TLCD4: variants seen among roughly 807,000 people sequenced by gnomAD.
The protein encoded by TLCD4 is TLC domain-containing protein 4.
TLCD4 carries 7 observed loss-of-function variants against 24.2 expected under a neutral mutation model. That is an observed-to-expected ratio of 0.29 (90% CI 0.16 to 0.54). TLCD4 has a LOEUF of 0.54. Among genes scored for constraint, TLCD4 ranks in the 20% least tolerant of loss-of-function variants. The pLI, the probability that TLCD4 is intolerant of heterozygous loss-of-function variation, is 0.95. For missense variants in TLCD4, 259 were observed against 313.9 expected (o/e 0.82, Z 1.32); for synonymous variants, 103 against 106.4 (o/e 0.97, Z 0.20).
the TLCD4 span, among the ~76,000 whole-genome samples, chr1:95,106,392 ATTG>A: frequency 4.6e-5 from 7 of 152,200 alleles, no homozygotes; most frequent in Admixed American, 3.9e-4. Context: ...CTAAAACTAG[ATTG>A]TTTTCTTTTT....
the TLCD4 span, among the ~76,000 whole-genome samples, chr1:95,102,392 C>T: frequency 6.6e-6 from 1 of 152,022 alleles, no homozygotes; most frequent in Non-Finnish European, 1.5e-5. Context: ...ACAGAATTTG[C>T]TGTGTACTTG....
At chr1:95,179,741 T>C (rs185389199) in intron 6 of TLCD4, among the ~76,000 whole-genome samples, 1 of 152,336 alleles carries the variant, frequency 6.6e-6, no homozygotes, top group Admixed American at 6.5e-5. Flanking sequence ...AGCTCTTCAG[T>C]GTGACACAGA....
rs1015625571 is a variant in TLCD4 at position 95,193,616 on chromosome 1, A to T, written c.*1748A>T. 1 of 152,116 alleles carries T rather than the reference A, an allele frequency of 6.6e-6. No individual in the cohort carries two copies. Among genetic ancestry groups the T allele is most frequent in the African/African-American group, 2.4e-5 (1 of 41,452 alleles). The allele number at this position is 152,116 out of a possible 1,614,324, so 9.4% of individuals were successfully genotyped here. A position where few individuals can be genotyped will look rare whatever the true frequency, so the allele number is the denominator to read the frequency against. The stretch of plus-strand genomic sequence containing the variant: ...GATTTGCTTTTATTATTCAATGCAG[A>T]TAGAGCCTGATAAGTTTTAGAACAT... On this transcript the variant is annotated 3_prime_UTR_variant, in exon 7 of 7. Coordinates refer to ENST00000370203, the MANE Select transcript of TLCD4 (RefSeq NM_152487.3).
the TLCD4 span, among the ~76,000 whole-genome samples, chr1:95,096,205 C>T: frequency 6.6e-6 from 1 of 152,186 alleles, no homozygotes; most frequent in Non-Finnish European, 1.5e-5. Flanking sequence ...GAAAGAGTAC[C>T]TTGACAACAA....
At chr1:95,175,497 G>A (rs566787011) in intron 6 of TLCD4, among the ~76,000 whole-genome samples, 7 of 152,166 alleles carry the variant, frequency 4.6e-5, no homozygotes, top group Non-Finnish European at 1.0e-4. Context: ...AAATGGACAT[G>A]GGCATACAAA....
chr1:95,173,778 T>C (rs1442612346), intron 5 of TLCD4, 38 bp from the exon 6 acceptor site: 2 of 1,613,424 alleles, frequency 1.2e-6, no homozygotes, highest in Non-Finnish European at 1.7e-6. Context: ...TTGTTAAGAA[T>C]GTTATCCTTG....
intron 1 of TLCD4, among the ~76,000 whole-genome samples, chr1:95,125,192 A>C (rs1676681234): frequency 6.6e-6 from 1 of 152,176 alleles, no homozygotes; most frequent in Non-Finnish European, 1.5e-5. Context: ...CTGTGGGCCA[A>C]GCTTAGGTTT....
At chr1:95,146,571 T>C (rs976402951) in intron 2 of TLCD4, among the ~76,000 whole-genome samples, 1 of 152,120 alleles carries the variant, frequency 6.6e-6, no homozygotes, top group South Asian at 2.1e-4. Flanking sequence ...TATTTTATCT[T>C]GGGTAATATC....
intron 5 of TLCD4, among the ~76,000 whole-genome samples, chr1:95,152,888 T>C (rs1677531138): frequency 6.6e-6 from 1 of 152,118 alleles, no homozygotes; most frequent in South Asian, 2.1e-4. Context: ...CCATCCTTTG[T>C]ACACCCTTTC....
chr1:95,176,033 C>T lies in TLCD4; in HGVS notation c.473+2144C>T, dbSNP rs559569841. Among the ~76,000 whole-genome samples the T allele has an allele frequency of 3.3e-5, 5 of 152,148 alleles. No homozygotes were observed. The East Asian group carries it at 5.8e-4, about 18-fold the overall frequency. On this transcript the variant is annotated intron_variant, in intron 6 of 6. Transcript: ENST00000370203. ...TCAAGCGATCCTCCCACTTTGGCCTCCCAAAATTCTGGGATTACAGGTTTG... is the reference window on the plus strand; with the variant it reads ...TCAAGCGATCCTCCCACTTTGGCCTTCCAAAATTCTGGGATTACAGGTTTG...
At chr1:95,177,939 T>TG in intron 6 of TLCD4, among the ~76,000 whole-genome samples, 1 of 144,124 alleles carries the variant, frequency 6.9e-6, no homozygotes, top group East Asian at 2.0e-4. Flanking sequence ...TCTTTTCTTT[T>TG]TTTTTTTTTT....
intron 2 of TLCD4, among the ~76,000 whole-genome samples, chr1:95,147,013 G>A (rs964714518): frequency 1.3e-5 from 2 of 150,638 alleles, no homozygotes; most frequent in Non-Finnish European, 3.0e-5. Context: ...TTTTTGAATA[G>A]CAATAGAGAG....
the TLCD4 span, among the ~76,000 whole-genome samples, chr1:95,096,851 T>C: frequency 1.3e-5 from 2 of 152,188 alleles, no homozygotes; most frequent in African/African-American, 4.8e-5. Context: ...TGTGTGCGTC[T>C]TGCAGAGGTA....
intron 5 of TLCD4, among the ~76,000 whole-genome samples, chr1:95,151,797 T>C (rs1444974083): frequency 3.3e-5 from 5 of 152,160 alleles, no homozygotes; most frequent in African/African-American, 1.2e-4. Flanking sequence ...TAATTCCATG[T>C]GCAATTACAT....
At chr1:95,109,780 T>C in the TLCD4 span, among the ~76,000 whole-genome samples, 1 of 149,960 alleles carries the variant, frequency 6.7e-6, no homozygotes, top group Admixed American at 6.7e-5. Flanking sequence ...TGAGTCACCA[T>C]GCCCAGCCAG....
Position 95,191,711 on chromosome 1 carries a change from G to A in TLCD4, c.635G>A (p.Gly212Glu). Residue 212 changes from glycine to glutamate, a missense_variant, in exon 7 of 7, where the codon GGA becomes GAA. By Grantham distance (98) the Gly-to-Glu change is moderately conservative. Coordinates refer to ENST00000370203, the MANE Select transcript of TLCD4 (RefSeq NM_152487.3). ...VYGTEPYIRL[G>E]VLIQLSWVIS... ...GGAACAGAACCCTACATAAGGCTTG[G>A]AGTTTTAATCCAGTTATCCTGGGTC... is the stretch of plus-strand genomic sequence containing the variant. 6.2e-7 allele frequency: 1 copy of A among 1,614,106 alleles called. No individual in the cohort carries two copies. The highest frequency in any genetic ancestry group is 8.5e-7 in the Non-Finnish European group (1 of 1,180,028).
chr1:95,163,065 G>A (rs1294401428), intron 5 of TLCD4, among the ~76,000 whole-genome samples: 1 of 152,192 alleles, frequency 6.6e-6, no homozygotes, highest in African/African-American at 2.4e-5. Flanking sequence ...CTAGGTTGGG[G>A]AAGTTCTCCT....
upstream of TLCD4, among the ~76,000 whole-genome samples, chr1:95,113,597 C>T (rs1296421178): frequency 6.6e-6 from 1 of 152,114 alleles, no homozygotes; most frequent in Non-Finnish European, 1.5e-5. Context: ...GCTGATGGCA[C>T]TCATTGATGT....
intron 6 of TLCD4, among the ~76,000 whole-genome samples, chr1:95,183,891 A>G (rs890897195): frequency 3.5e-4 from 53 of 152,108 alleles, no homozygotes; most frequent in Non-Finnish European, 1.5e-4. Context: ...AGATTGGAGA[A>G]TCAGAGAAAG....
Sources: gnomAD v4.1 joint callset for allele counts (sites outside exome capture counted in the v4.1 genomes callset) on GRCh38, gnomAD v4.1.1 for gene constraint, MANE v1.5 for transcripts, NCBI Gene and HGNC (gene_info 2026-07-23, HGNC 2026-07-21) for gene names.